Variants in LYPD6B observed in about 807,000 individuals in gnomAD.
LYPD6B encodes the protein LY6/PLAUR domain containing 6B, also known as ly6/PLAUR domain-containing protein 6B.
LYPD6B carries 17 observed loss-of-function variants against 22.8 expected under a neutral mutation model. The observed-to-expected ratio is 0.75, with a 90% CI of 0.51 to 1.12. The LOEUF (loss-of-function observed/expected upper bound fraction) is 1.12, where lower values mean the gene tolerates loss of function less well. LYPD6B is among the 50% of genes most tolerant of loss of function. The pLI, the probability that LYPD6B is intolerant of heterozygous loss-of-function variation, is 0.00. For missense variants in LYPD6B, 221 were observed against 258.3 expected, an observed-to-expected ratio of 0.86 and a Z score of 0.99; for synonymous variants, 106 against 91.6, an observed-to-expected ratio of 1.16 and a Z score of -0.90.
intron 1 of LYPD6B, among the ~76,000 whole-genome samples, chr2:149,124,269 C>T (rs371893991): frequency 2.6e-5 from 4 of 152,060 alleles, no homozygotes; most frequent in Admixed American, 6.6e-5. Flanking sequence ...TTTCTGGGGC[C>T]GAGACCAACT....
intron 3 of LYPD6B, among the ~76,000 whole-genome samples, chr2:149,200,145 T>C (rs1281498885): frequency 1.3e-5 from 2 of 152,234 alleles, no homozygotes; most frequent in African/African-American, 4.8e-5. Context: ...TACTGTGAGA[T>C]AAGTGGTGCT....
chr2:149,079,520 A>G (rs1297594670), intron 1 of LYPD6B, among the ~76,000 whole-genome samples: 1 of 152,192 alleles, frequency 6.6e-6, no homozygotes, highest in Non-Finnish European at 1.5e-5. Context: ...GACAGTGTAG[A>G]TTAATTCTAT....
chr2:149,127,074 A>C (rs1378708806), intron 1 of LYPD6B, among the ~76,000 whole-genome samples: 4 of 151,450 alleles, frequency 2.6e-5, no homozygotes, highest in Non-Finnish European at 5.9e-5. Flanking sequence ...GCTAGTTTGC[A>C]AATCTTTCTG....
At chr2:149,075,912 A>G (rs1684858220) in intron 1 of LYPD6B, among the ~76,000 whole-genome samples, 1 of 152,254 alleles carries the variant, frequency 6.6e-6, no homozygotes, top group Non-Finnish European at 1.5e-5. Flanking sequence ...GAGTAAAAAC[A>G]TGCCGAGACA....
chr2:149,183,702 A>G (rs1691901568), intron 3 of LYPD6B, among the ~76,000 whole-genome samples: 1 of 152,120 alleles, frequency 6.6e-6, no homozygotes, highest in South Asian at 2.1e-4. Context: ...CTTCATCACT[A>G]TATTCAAATC....
chr2:149,176,321 T>A (rs1691304611), intron 3 of LYPD6B, among the ~76,000 whole-genome samples: 1 of 152,214 alleles, frequency 6.6e-6, no homozygotes, highest in Non-Finnish European at 1.5e-5. Context: ...TTGTGTTACT[T>A]GTATAATAAA....
chr2:149,132,815 T>A (rs1283084944), intron 2 of LYPD6B, among the ~76,000 whole-genome samples: 1 of 152,180 alleles, frequency 6.6e-6, no homozygotes, highest in Non-Finnish European at 1.5e-5. Flanking sequence ...AACACAGAAT[T>A]CTGAGACTTA....
At chr2:149,116,974 G>A (rs762833055) in intron 1 of LYPD6B, among the ~76,000 whole-genome samples, 10 of 151,868 alleles carry the variant, frequency 6.6e-5, no homozygotes, top group Admixed American at 3.3e-4. Context: ...CAGAATCCCC[G>A]TCTTCCTAAT....
At chr2:149,123,505 G>T (rs1559013060) in intron 1 of LYPD6B, among the ~76,000 whole-genome samples, 1 of 152,136 alleles carries the variant, frequency 6.6e-6, no homozygotes, top group South Asian at 2.1e-4. Flanking sequence ...AAAGGGCACT[G>T]AACTGATAAT....
At chr2:149,062,112 C>T (rs772593874) in intron 1 of LYPD6B, among the ~76,000 whole-genome samples, 5 of 151,944 alleles carry the variant, frequency 3.3e-5, no homozygotes, top group Admixed American at 2.0e-4. Flanking sequence ...CTCAGCCTCC[C>T]GAGTAGCTGG....
At chr2:149,200,919 A>C (rs1575169964) in intron 3 of LYPD6B, among the ~76,000 whole-genome samples, 1 of 152,332 alleles carries the variant, frequency 6.6e-6, no homozygotes, top group East Asian at 1.9e-4. Flanking sequence ...GGGAGGACTC[A>C]TAAAACACAG....
chr2:149,149,879 C>A (rs984523332), intron 2 of LYPD6B, among the ~76,000 whole-genome samples: 4 of 152,212 alleles, frequency 2.6e-5, no homozygotes, highest in African/African-American at 9.6e-5. Context: ...TCTGTAGAGA[C>A]CACCTTCCTT....
At chr2:149,158,886 C>T (rs1044229267) in intron 2 of LYPD6B, among the ~76,000 whole-genome samples, 3 of 152,182 alleles carry the variant, frequency 2.0e-5, no homozygotes, top group African/African-American at 7.2e-5. Context: ...CTACTCCAGG[C>T]TGTTGCCAGG....
At chr2:149,184,472 A>G (rs1691962143) in intron 3 of LYPD6B, among the ~76,000 whole-genome samples, 1 of 152,174 alleles carries the variant, frequency 6.6e-6, no homozygotes, top group Non-Finnish European at 1.5e-5. Flanking sequence ...ATGAGCTACC[A>G]TTGCCAAAAT....
intron 1 of LYPD6B, among the ~76,000 whole-genome samples, chr2:149,099,617 G>T (rs920605511): frequency 9.2e-5 from 14 of 152,144 alleles, no homozygotes; most frequent in South Asian, 6.2e-4. Context: ...GAGGTAGCTA[G>T]GTCTGTCTTC....
chr2:149,148,229 T>G (rs1689159463), intron 2 of LYPD6B, among the ~76,000 whole-genome samples: 1 of 152,184 alleles, frequency 6.6e-6, no homozygotes, highest in Non-Finnish European at 1.5e-5. Flanking sequence ...AGGTGAACCC[T>G]TGCTTAGTAA....
intron 1 of LYPD6B, among the ~76,000 whole-genome samples, chr2:149,120,794 T>G (rs1358550288): frequency 7.2e-6 from 1 of 138,024 alleles, no homozygotes; most frequent in Non-Finnish European, 1.5e-5. Flanking sequence ...CTTTTTTTTT[T>G]TTTTTTTTTT....
chr2:149,061,902 C>T lies in LYPD6B; in HGVS notation c.-67+23101C>T, dbSNP rs139261977. On this transcript the variant is annotated intron_variant, in intron 1 of 6. Coordinates refer to ENST00000409642, the MANE Select transcript of LYPD6B (RefSeq NM_177964.5). ...AAGTTAAACATTATCTCTAAAATTACACCTAATAATTAAGTGTAAGATTAA... is the reference window on the plus strand; with the variant it reads ...AAGTTAAACATTATCTCTAAAATTATACCTAATAATTAAGTGTAAGATTAA... Among the ~76,000 whole-genome samples the T allele has an allele frequency of 4.0e-5, 6 of 151,838 alleles. No individual in the cohort carries two copies. The East Asian group carries it at 9.7e-4, about 24-fold the overall frequency.
At chr2:149,181,295 T>C (rs1230590895) in intron 3 of LYPD6B, among the ~76,000 whole-genome samples, 1 of 152,174 alleles carries the variant, frequency 6.6e-6, no homozygotes, top group Non-Finnish European at 1.5e-5. Context: ...GCGTATCTTA[T>C]AGGTTTTAAG....
Sources: allele counts gnomAD v4.1 joint callset (sites outside exome capture counted in the v4.1 genomes callset), GRCh38; gene constraint gnomAD v4.1.1; transcripts MANE v1.5; gene names NCBI Gene and HGNC (gene_info 2026-07-23, HGNC 2026-07-21).